The following LYPD6B variants were observed in gnomAD, a reference collection of about 807,000 sequenced individuals.
LYPD6B encodes ly6/PLAUR domain-containing protein 6B.
A neutral mutation model predicts 22.8 loss-of-function variants in LYPD6B; 17 were observed. The ratio of observed to expected loss-of-function variants is 0.75; its 90% CI spans 0.51 to 1.12. The LOEUF (loss-of-function observed/expected upper bound fraction) is 1.12, where lower values mean the gene tolerates loss of function less well. Ranked by LOEUF, LYPD6B falls within the 50% of genes most tolerant of loss-of-function variation. LYPD6B has a pLI of 0.00. For missense variants in LYPD6B, 221 were observed against 258.3 expected (o/e 0.86, Z 0.99); for synonymous variants, 106 against 91.6 (o/e 1.16, Z -0.90).
At chr2:149,106,514 CT>C (rs1333587379) in intron 1 of LYPD6B, among the ~76,000 whole-genome samples, 3 of 152,016 alleles carry the variant, frequency 2.0e-5, no homozygotes, top group Admixed American at 2.0e-4. Context: ...TAGATTGTAC[CT>C]TTTAAGTATT....
intron 3 of LYPD6B, among the ~76,000 whole-genome samples, chr2:149,165,347 G>T (rs1176711708): frequency 6.6e-6 from 1 of 152,200 alleles, no homozygotes; most frequent in Non-Finnish European, 1.5e-5. Context: ...TAGCTGCAAA[G>T]AATGCATGGC....
chr2:149,094,441 C>T (rs1685809392), intron 1 of LYPD6B, among the ~76,000 whole-genome samples: 1 of 152,156 alleles, frequency 6.6e-6, no homozygotes. Flanking sequence ...AAAGGATTGG[C>T]TGAAAAATCC....
intron 2 of LYPD6B, among the ~76,000 whole-genome samples, chr2:149,152,378 AG>A (rs1689434820): frequency 6.6e-6 from 1 of 152,200 alleles, no homozygotes; most frequent in African/African-American, 2.4e-5. Context: ...TACCCCAGAA[AG>A]GGGCTCTTTC....
intron 3 of LYPD6B, among the ~76,000 whole-genome samples, chr2:149,201,420 A>G (rs1439676644): frequency 6.6e-6 from 1 of 152,218 alleles, no homozygotes; most frequent in African/African-American, 2.4e-5. Context: ...ATCTGCCACA[A>G]AGACTGCAAT....
chr2:149,173,276 T>C (rs1690984472), intron 3 of LYPD6B, among the ~76,000 whole-genome samples: 1 of 151,810 alleles, frequency 6.6e-6, no homozygotes, highest in Admixed American at 6.6e-5. Flanking sequence ...TTGCCCGTTC[T>C]GTTGATTATT....
chr2:149,045,389 A>G lies in LYPD6B; in HGVS notation c.-67+6588A>G, dbSNP rs1417167046. On this transcript the variant is annotated intron_variant, in intron 1 of 6. Transcript: ENST00000409642. ...TCCAGATTTTGGTTTAATTTTGTCT[A>G]TTATTTTTCTGTTTTCAATTTAATT... Among the ~76,000 whole-genome samples the G allele has an allele frequency of 2.6e-5, 4 of 151,818 alleles. No individual in the cohort carries two copies. The East Asian group carries it at 7.7e-4, about 29-fold the overall frequency.
At chr2:149,101,024 G>A (rs6717757) in intron 1 of LYPD6B, 41,883 of 152,100 alleles carry the variant, frequency 0.28, 6,138 homozygotes, top group East Asian at 0.54. Flanking sequence ...GTCAGAATGC[G>A]TTTACTTAAA....
At chr2:149,039,305 TTTG>T (rs1682961995) in intron 1 of LYPD6B, among the ~76,000 whole-genome samples, 1 of 152,158 alleles carries the variant, frequency 6.6e-6, no homozygotes, top group Non-Finnish European at 1.5e-5. Context: ...GCTCTTTACT[TTTG>T]TTGTTGAATA....
intron 3 of LYPD6B, among the ~76,000 whole-genome samples, chr2:149,189,684 C>A (rs1692371642): frequency 6.6e-6 from 1 of 151,970 alleles, no homozygotes; most frequent in African/African-American, 2.4e-5. Context: ...CAAGGCAATG[C>A]TTCCTGGCTG....
intron 1 of LYPD6B, chr2:149,119,074 G>A (rs1222299146): frequency 6.6e-6 from 1 of 152,184 alleles, no homozygotes; most frequent in Non-Finnish European, 1.5e-5. Context: ...AATGAATCAT[G>A]TATAATTCCT....
chr2:149,088,240 A>G (rs1031047720), intron 1 of LYPD6B, among the ~76,000 whole-genome samples: 1 of 151,734 alleles, frequency 6.6e-6, no homozygotes, highest in Non-Finnish European at 1.5e-5. Flanking sequence ...AGACTAACCT[A>G]TAACTCTCTC....
At chr2:149,169,225 C>T (rs1690653769) in intron 3 of LYPD6B, among the ~76,000 whole-genome samples, 1 of 152,152 alleles carries the variant, frequency 6.6e-6, no homozygotes, top group East Asian at 1.9e-4. Flanking sequence ...ATCTTCAACA[C>T]ACACATCACA....
intron 1 of LYPD6B, among the ~76,000 whole-genome samples, chr2:149,120,075 G>C (rs1423952448): frequency 6.6e-6 from 1 of 151,924 alleles, no homozygotes; most frequent in Non-Finnish European, 1.5e-5. Context: ...TGGAAGGCAG[G>C]GTATAGTCTT....
chr2:149,075,728 C>T (rs1024632188), intron 1 of LYPD6B, among the ~76,000 whole-genome samples: 1 of 152,176 alleles, frequency 6.6e-6, no homozygotes, highest in Non-Finnish European at 1.5e-5. Flanking sequence ...TAAAGTTGGT[C>T]ATATGACAAT....
chr2:149,091,285 A>T (rs1014829436), intron 1 of LYPD6B, among the ~76,000 whole-genome samples: 3 of 151,504 alleles, frequency 2.0e-5, no homozygotes, highest in African/African-American at 7.3e-5. Context: ...TTATTTTAAT[A>T]TATATAAATT....
Position 149,102,238 on chromosome 2 carries a change from G to A in LYPD6B, c.-66-28645G>A, listed in dbSNP as rs115305164. On this transcript the variant is annotated intron_variant, in intron 1 of 6. Coordinates refer to ENST00000409642, the MANE Select transcript of LYPD6B (RefSeq NM_177964.5). ...AAGTAGTTCATAAATAATAATGATG[G>A]GCCACCTTCATTGTTTTAATCAAAT... Among the ~76,000 whole-genome samples, 999 of 152,176 alleles carry A rather than the reference G, an allele frequency of 6.6e-3. 12 individuals are homozygous for A. Among genetic ancestry groups the A allele is most frequent in the African/African-American group, 0.023 (943 of 41,510 alleles).
chr2:149,196,673 GT>G (rs1410136672), intron 3 of LYPD6B, among the ~76,000 whole-genome samples: 1 of 152,196 alleles, frequency 6.6e-6, no homozygotes, highest in African/African-American at 2.4e-5. Context: ...CTGGCACACA[GT>G]GCTTAAGCAA....
intron 3 of LYPD6B, among the ~76,000 whole-genome samples, chr2:149,189,356 A>ATATATATACACATATGTATATATG (rs1559066246): frequency 2.4e-5 from 2 of 83,234 alleles, no homozygotes; most frequent in Non-Finnish European, 5.6e-5. Context: ...ATATATATAT[A>ATATATATACACATATGTATATATG]TATATATATA....
At chr2:149,184,550 C>T (rs528630317) in intron 3 of LYPD6B, among the ~76,000 whole-genome samples, 1 of 152,298 alleles carries the variant, frequency 6.6e-6, no homozygotes, top group African/African-American at 2.4e-5. Context: ...CCTAGTAGGC[C>T]TCATTAAGGT....
Sources: gnomAD v4.1 joint callset for allele counts (sites outside exome capture counted in the v4.1 genomes callset) on GRCh38, gnomAD v4.1.1 for gene constraint, MANE v1.5 for transcripts, NCBI Gene and HGNC (gene_info 2026-07-23, HGNC 2026-07-21) for gene names.